The following CPAMD8 variants were observed in gnomAD, a reference collection of about 807,000 sequenced individuals.
CPAMD8 encodes the protein C3 and PZP-like alpha-2-macroglobulin domain-containing protein 8.
Under a neutral mutation model 224.7 loss-of-function variants are expected in CPAMD8, and 146 were observed. The observed-to-expected ratio is 0.65, with a 90% CI of 0.57 to 0.75. CPAMD8 has a LOEUF of 0.75. CPAMD8 is among the 30% of genes least tolerant of loss of function. The pLI, the probability that CPAMD8 is intolerant of heterozygous loss-of-function variation, is 0.00. For missense variants in CPAMD8, 2,301 were observed against 2,537.5 expected, an observed-to-expected ratio of 0.91 and a Z score of 2.00; for synonymous variants, 966 against 1,044.6, an observed-to-expected ratio of 0.92 and a Z score of 1.45.
chr19:16,982,689 A>G (rs1395615772), intron 13 of CPAMD8, among the ~76,000 whole-genome samples: 3 of 152,034 alleles, frequency 2.0e-5, no homozygotes, highest in Non-Finnish European at 4.4e-5. Flanking sequence ...AATAAAAAAA[A>G]TAGCTGGGTG....
intron 6 of CPAMD8, 159 bp downstream of exon 6, chr19:17,009,144 C>T (rs757421022): frequency 5.2e-6 from 6 of 1,144,006 alleles, no homozygotes; most frequent in Admixed American, 4.3e-5. Context: ...CATCCCAGGG[C>T]GGACCCAGGG....
intron 5 of CPAMD8, among the ~76,000 whole-genome samples, chr19:17,010,726 A>C (rs1261773152): frequency 2.6e-5 from 4 of 152,174 alleles, no homozygotes; most frequent in African/African-American, 4.8e-5. Context: ...CGCTAGAAAG[A>C]AAGCACATAA....
intron 26 of CPAMD8, among the ~76,000 whole-genome samples, chr19:16,924,584 CT>C (rs2053292042): frequency 6.6e-6 from 1 of 152,062 alleles, no homozygotes; most frequent in African/African-American, 2.4e-5. Flanking sequence ...CTTCTTTATT[CT>C]TTTTTATTTT....
At chr19:16,962,626 T>G (rs1313325483) in intron 18 of CPAMD8, among the ~76,000 whole-genome samples, 1 of 152,190 alleles carries the variant, frequency 6.6e-6, no homozygotes, top group Non-Finnish European at 1.5e-5. Flanking sequence ...CTGCAGGATA[T>G]TATCCAGGAG....
At chr19:16,961,117 TC>T (rs1357748274) in intron 18 of CPAMD8, among the ~76,000 whole-genome samples, 1 of 152,194 alleles carries the variant, frequency 6.6e-6, no homozygotes, top group East Asian at 1.9e-4. Context: ...ATGGGTGATT[TC>T]TGCATTTCCA....
rs1255106793 is a variant in CPAMD8, at chr19:16,896,547, C to T, written c.5184G>A (p.Gly1728=). ...GGCGGCAGGCGCTGGCGTAGACCAC[C>T]CCGTCGGAGCCGCACACCGGGTTCC... is the stretch of plus-strand genomic sequence containing the variant. The part of the protein sequence containing the change: ...AQGNPVCGSD[G]VVYASACRLR... Residue 1728 remains glycine, a synonymous_variant, in exon 40 of 42, where the codon GGG becomes GGA. Coordinates refer to ENST00000443236, the MANE Select transcript of CPAMD8 (RefSeq NM_015692.5). The T allele has an allele frequency of 2.0e-6, 3 of 1,497,600 alleles. No individual in the cohort carries two copies. The highest frequency in any genetic ancestry group is 2.7e-6 in the Non-Finnish European group (3 of 1,130,316). The allele number at this position is 1,497,600 out of a possible 1,614,324, so 92.8% of individuals were successfully genotyped here.
At chr19:17,002,085 G>C (rs2056343397) in intron 9 of CPAMD8, among the ~76,000 whole-genome samples, 181 bp downstream of exon 9, 2 of 151,566 alleles carry the variant, frequency 1.3e-5, no homozygotes, top group Admixed American at 1.3e-4. Context: ...GAGAGTCACA[G>C]GAAGGGAGAT....
At chr19:17,020,096 T>C (rs1232584704) in intron 3 of CPAMD8, among the ~76,000 whole-genome samples, 1 of 149,854 alleles carries the variant, frequency 6.7e-6, no homozygotes, top group Non-Finnish European at 1.5e-5. Context: ...TGCCTCAGCC[T>C]CCCGAGTAGC....
At chr19:16,993,352 C>G in intron 12 of CPAMD8, 64 bp downstream of exon 12, 1 of 1,443,628 alleles carries the variant, frequency 6.9e-7, no homozygotes, top group Non-Finnish European at 9.5e-7. Context: ...CTGCACCCAG[C>G]CTGGGGGAGG....
At chr19:17,000,293 A>G in intron 10 of CPAMD8, 121 bp downstream of exon 10, 1 of 594,384 alleles carries the variant, frequency 1.7e-6, no homozygotes, top group South Asian at 2.2e-5. Flanking sequence ...GTCTCTATTC[A>G]AAAACTTTTT....
intron 27 of CPAMD8, among the ~76,000 whole-genome samples, chr19:16,919,001 G>A (rs1385714918): frequency 1.8e-4 from 27 of 152,070 alleles, no homozygotes; most frequent in Admixed American, 1.4e-3. Context: ...TCAGGAATTC[G>A]AGACCAGCCT....
intron 7 of CPAMD8, among the ~76,000 whole-genome samples, chr19:17,005,603 G>A (rs2056467392): frequency 6.6e-6 from 1 of 152,114 alleles, no homozygotes; most frequent in Admixed American, 6.6e-5. Flanking sequence ...GGCAGTGCCA[G>A]GGGATCTTCC....
intron 13 of CPAMD8, among the ~76,000 whole-genome samples, chr19:16,986,063 T>G (rs1599849430): frequency 1.3e-5 from 2 of 152,182 alleles, no homozygotes; most frequent in Non-Finnish European, 2.9e-5. Context: ...TTTACTAAAT[T>G]TATGGCATCA....
chr19:16,953,892 T>C (rs1429917224), intron 19 of CPAMD8, among the ~76,000 whole-genome samples: 1 of 152,078 alleles, frequency 6.6e-6, no homozygotes, highest in Non-Finnish European at 1.5e-5. Context: ...ACATCACTAA[T>C]CATTAGGGAA....
rs565826887 is a variant in CPAMD8, at chr19:17,025,367, G to A, written c.92+1184C>T. Among the ~76,000 whole-genome samples the A allele has an allele frequency of 9.9e-5, 15 of 152,284 alleles. No individual in the cohort carries two copies. In the South Asian group the frequency reaches 2.7e-3, roughly 27 times the overall value. The stretch of plus-strand genomic sequence containing the variant: ...GCGGAGGTTGCAGTAAGCCAAGATC[G>A]TGCCATTGCACTCCAGCCTGGGCAA... On this transcript the variant is annotated intron_variant, in intron 1 of 41. Transcript: ENST00000443236.
At position 16,974,974 on chromosome 19, in the gene CPAMD8, C is replaced by G. The variant is rs551575516; in HGVS notation, c.2070+123G>C. ...TGGGCCACAGAGCGAGACCCCATCT[C>G]GAAAAAAAGAAAGAAAAGCTTCCAA... On this transcript the variant is annotated intron_variant, in intron 17 of 41. Coordinates refer to ENST00000443236, the MANE Select transcript of CPAMD8 (RefSeq NM_015692.5). 5.2e-6 allele frequency: 7 copies of G among 1,335,304 alleles called. No individual in the cohort carries two copies. The South Asian group carries it at 9.2e-5, about 18-fold the overall frequency. The allele number at this position is 1,335,304 out of a possible 1,614,324, so 82.7% of individuals were successfully genotyped here. A position where few individuals can be genotyped will look rare whatever the true frequency, so the allele number is the denominator to read the frequency against.
At chr19:16,906,336 CCCTT>C (rs1435222842) in intron 30 of CPAMD8, among the ~76,000 whole-genome samples, 1 of 123,076 alleles carries the variant, frequency 8.1e-6, no homozygotes, top group African/African-American at 3.2e-5. Flanking sequence ...TTCCTTCTTT[CCCTT>C]TCTTTCTTTC....
At chr19:16,910,413 G>C (rs928386273) in intron 29 of CPAMD8, 2 of 147,628 alleles carry the variant, frequency 1.4e-5, no homozygotes. Context: ...CAGGTGATCT[G>C]CCCGCCTCAG....
chr19:16,953,960 A>AAGAAAAGGCAAG (rs2054380693), intron 19 of CPAMD8, among the ~76,000 whole-genome samples: 2 of 152,154 alleles, frequency 1.3e-5, no homozygotes. Flanking sequence ...GATATTAAAA[A>AAGAAAAGGCAAG]AGAAAAGGCA....
Sources: gnomAD v4.1 joint callset for allele counts (sites outside exome capture counted in the v4.1 genomes callset) on GRCh38, gnomAD v4.1.1 for gene constraint, MANE v1.5 for transcripts, NCBI Gene and HGNC (gene_info 2026-07-23, HGNC 2026-07-21) for gene names.